The following PHACTR4 variants were observed in gnomAD, a reference collection of about 807,000 sequenced individuals.
The protein encoded by PHACTR4 is phosphatase and actin regulator 4, also known as protein phosphatase 1, regulatory subunit 124.
Under a neutral mutation model 72.7 loss-of-function variants are expected in PHACTR4, and 51 were observed. The ratio of observed to expected loss-of-function variants is 0.70; its 90% confidence interval spans 0.56 to 0.89. PHACTR4 has a LOEUF of 0.89. PHACTR4 is among the 40% of genes least tolerant of loss of function. The pLI is 0.00. For missense variants in PHACTR4, 731 were observed against 861.8 expected, an observed-to-expected ratio of 0.85 and a Z score of 1.90; for synonymous variants, 255 against 302.5, an observed-to-expected ratio of 0.84 and a Z score of 1.63.
intron 2 of PHACTR4, among the ~76,000 whole-genome samples, chr1:28,416,715 T>G (rs1655126708): frequency 6.6e-6 from 1 of 152,202 alleles, no homozygotes; most frequent in Non-Finnish European, 1.5e-5. Flanking sequence ...TGAGCCCTTA[T>G]CAATGTGTCA....
chr1:28,477,907 C>T (rs1401467129), intron 8 of PHACTR4, among the ~76,000 whole-genome samples: 1 of 151,930 alleles, frequency 6.6e-6, no homozygotes, highest in Non-Finnish European at 1.5e-5. Flanking sequence ...AGGCTGGTCT[C>T]GAACTTGTGA....
intron 2 of PHACTR4, among the ~76,000 whole-genome samples, chr1:28,453,068 G>A (rs929822976): frequency 1.3e-5 from 2 of 150,498 alleles, no homozygotes; most frequent in African/African-American, 2.4e-5. Context: ...GTGGTGAGCC[G>A]AGATCACGCC....
At chr1:28,471,686 G>T (rs1420338372) in intron 6 of PHACTR4, among the ~76,000 whole-genome samples, 1 of 152,050 alleles carries the variant, frequency 6.6e-6, no homozygotes, top group African/African-American at 2.4e-5. Context: ...GTCATTGTGG[G>T]CTTTGGTGAA....
At chr1:28,404,276 C>T (rs1347121152) in intron 1 of PHACTR4, among the ~76,000 whole-genome samples, 6 of 101,416 alleles carry the variant, frequency 5.9e-5, no homozygotes, top group African/African-American at 2.5e-4. Context: ...TATGAACATC[C>T]TTTTTTTTTT....
intron 1 of PHACTR4, among the ~76,000 whole-genome samples, chr1:28,402,194 C>T (rs1653992672): frequency 6.6e-6 from 1 of 152,162 alleles, no homozygotes; most frequent in Admixed American, 6.6e-5. Flanking sequence ...AAAATAGCAG[C>T]TAACACAGAT....
chr1:28,436,949 T>C (rs1343779761), intron 2 of PHACTR4, among the ~76,000 whole-genome samples: 1 of 152,228 alleles, frequency 6.6e-6, no homozygotes, highest in African/African-American at 2.4e-5. Context: ...GAGACTGTTA[T>C]ATAATACCTT....
intron 1 of PHACTR4, among the ~76,000 whole-genome samples, chr1:28,380,355 C>T (rs1185152814): frequency 3.3e-5 from 5 of 152,156 alleles, no homozygotes; most frequent in Non-Finnish European, 7.4e-5. Context: ...CGCGCCCGGC[C>T]TTAAATGTAA....
chr1:28,466,828 T>C, intron 6 of PHACTR4, 60 bp downstream of exon 6: 1 of 1,533,162 alleles, frequency 6.5e-7, no homozygotes, highest in Middle Eastern at 1.8e-4. Flanking sequence ...ATGGTTATTT[T>C]ATTTGATAAC....
chr1:28,410,608 G>A (rs1327819652), intron 2 of PHACTR4, among the ~76,000 whole-genome samples: 1 of 152,184 alleles, frequency 6.6e-6, no homozygotes, highest in South Asian at 2.1e-4. Flanking sequence ...TAGTTGACCA[G>A]TAGTCAATTG....
intron 1 of PHACTR4, among the ~76,000 whole-genome samples, chr1:28,377,979 C>T (rs75285839): frequency 2.7e-5 from 4 of 147,902 alleles, no homozygotes; most frequent in Admixed American, 1.4e-4. Flanking sequence ...GGGCGGATCA[C>T]GAGGTCAGGA....
At chr1:28,401,627 G>T (rs569603809) in intron 1 of PHACTR4, among the ~76,000 whole-genome samples, 1 of 151,698 alleles carries the variant, frequency 6.6e-6, no homozygotes, top group South Asian at 2.1e-4. Flanking sequence ...GTTAATAGAG[G>T]CAGGGTCTGG....
At chr1:28,430,214 T>C (rs1320407183) in intron 2 of PHACTR4, among the ~76,000 whole-genome samples, 1 of 151,996 alleles carries the variant, frequency 6.6e-6, no homozygotes, top group Non-Finnish European at 1.5e-5. Flanking sequence ...TTAGTAGAGA[T>C]AGGGTTTCAC....
chr1:28,446,482 A>C (rs572185923), intron 2 of PHACTR4, among the ~76,000 whole-genome samples: 2 of 152,272 alleles, frequency 1.3e-5, no homozygotes, highest in East Asian at 3.9e-4. Context: ...AGATCTGGTC[A>C]TTTAAAAGTG....
At chr1:28,425,143 A>G (rs1341529270) in intron 2 of PHACTR4, among the ~76,000 whole-genome samples, 1 of 151,872 alleles carries the variant, frequency 6.6e-6, no homozygotes, top group East Asian at 1.9e-4. Flanking sequence ...ATTTTGAGAC[A>G]GAGTCTCACT....
chr1:28,417,151 G>A (rs1209187517), intron 2 of PHACTR4, among the ~76,000 whole-genome samples: 3 of 151,616 alleles, frequency 2.0e-5, no homozygotes, highest in Admixed American at 2.0e-4. Flanking sequence ...ATGTAGACTA[G>A]TGTTAAAATG....
At chr1:28,379,731 A>T (rs1437058329) in intron 1 of PHACTR4, among the ~76,000 whole-genome samples, 1 of 151,256 alleles carries the variant, frequency 6.6e-6, no homozygotes, top group African/African-American at 2.4e-5. Flanking sequence ...CTGGGACTAC[A>T]GGCGCCCGCC....
At chr1:28,443,453 T>G (rs929349941) in intron 2 of PHACTR4, among the ~76,000 whole-genome samples, 4 of 149,176 alleles carry the variant, frequency 2.7e-5, no homozygotes, top group African/African-American at 7.4e-5. Context: ...AGCTAATTCT[T>G]TTTTTTTTTC....
At chr1:28,489,289 C>A in intron 10 of PHACTR4, 64 bp downstream of exon 10, 2 of 1,395,480 alleles carry the variant, frequency 1.4e-6, no homozygotes, top group Non-Finnish European at 2.0e-6. Flanking sequence ...CTTTAATATA[C>A]ATAAAAGAAA....
chr1:28,460,785 A>G (rs1658746990), intron 4 of PHACTR4, among the ~76,000 whole-genome samples: 1 of 152,116 alleles, frequency 6.6e-6, no homozygotes, highest in Non-Finnish European at 1.5e-5. Context: ...CTGGGACTAC[A>G]GGTGTGAGCC....
Sources: gnomAD v4.1 joint callset for allele counts (sites outside exome capture counted in the v4.1 genomes callset) on GRCh38, gnomAD v4.1.1 for gene constraint, MANE v1.5 for transcripts, NCBI Gene and HGNC (gene_info 2026-07-23, HGNC 2026-07-21) for gene names.